Variants in FMN2 observed in about 807,000 individuals in gnomAD.
FMN2 encodes the protein formin 2, also known as formin-2.
A neutral mutation model predicts 142.3 loss-of-function variants in FMN2; 51 were observed. That is an observed-to-expected ratio of 0.36 (90% confidence interval 0.29 to 0.45). FMN2 has a LOEUF of 0.45. Ranked by LOEUF, FMN2 falls within the 20% of genes least tolerant of loss-of-function variation. FMN2 has a pLI of 1.00. For synonymous variants in FMN2, 882 were observed against 869.8 expected, an observed-to-expected ratio of 1.01 and a Z score of -0.25; for missense variants, 1,936 against 2,122.8, an observed-to-expected ratio of 0.91 and a Z score of 1.73.
chr1:240,225,324 C>G (rs184788633), intron 6 of FMN2, among the ~76,000 whole-genome samples: 4 of 152,144 alleles, frequency 2.6e-5, no homozygotes, highest in African/African-American at 9.7e-5. Context: ...CCAAGGCACC[C>G]CTCAGCCCCA....
intron 6 of FMN2, among the ~76,000 whole-genome samples, chr1:240,239,819 CAT>C (rs778597110): frequency 3.3e-5 from 5 of 152,330 alleles, no homozygotes; most frequent in African/African-American, 1.2e-4. Context: ...AGTCAATAAA[CAT>C]ATGCTCAGTG....
intron 7 of FMN2, among the ~76,000 whole-genome samples, chr1:240,271,171 CT>C (rs1158797574): frequency 8.1e-6 from 1 of 123,074 alleles, no homozygotes; most frequent in Non-Finnish European, 1.6e-5. Context: ...TTCTTTTATC[CT>C]GTTGGGGTTG....
At chr1:240,117,489 G>C (rs1170115870) in intron 1 of FMN2, among the ~76,000 whole-genome samples, 1 of 152,208 alleles carries the variant, frequency 6.6e-6, no homozygotes, top group Admixed American at 6.5e-5. Flanking sequence ...AAGCGTGGTG[G>C]AGGGAGAGAG....
intron 14 of FMN2, among the ~76,000 whole-genome samples, chr1:240,377,888 C>T (rs1572247040): frequency 6.6e-6 from 1 of 151,762 alleles, no homozygotes; most frequent in East Asian, 1.9e-4. Context: ...TATTATATTC[C>T]CATGTAATAT....
At chr1:240,430,691 C>T (rs1453478111) in intron 15 of FMN2, among the ~76,000 whole-genome samples, 1 of 149,862 alleles carries the variant, frequency 6.7e-6, no homozygotes, top group African/African-American at 2.5e-5. Flanking sequence ...AACAGATACC[C>T]CATTGTTCTA....
At chr1:240,106,754 G>T (rs1661625051) in intron 1 of FMN2, among the ~76,000 whole-genome samples, 1 of 150,538 alleles carries the variant, frequency 6.6e-6, no homozygotes, top group African/African-American at 2.4e-5. Flanking sequence ...GCGCGATCTT[G>T]CTCACTGCAA....
chr1:240,170,932 A>G, intron 2 of FMN2: 1 of 790,898 alleles, frequency 1.3e-6, no homozygotes, highest in South Asian at 1.3e-5. Flanking sequence ...GGAAGTGCTC[A>G]TTGAGCGGAC....
In FMN2 at chr1:240,101,601, C is replaced by T. The variant is rs568849934; in HGVS notation, c.1615+7877C>T. On this transcript the variant is annotated intron_variant, in intron 1 of 17. Transcript: ENST00000319653. ...CCAAGCGGGAGCGCAGTGGTGTGCT[C>T]ATGGCTCACTGCAGCCTCAAACTCC... Among the ~76,000 whole-genome samples, 13 of 152,002 alleles carry T rather than the reference C, an allele frequency of 8.6e-5. No individual in the cohort carries two copies. In the East Asian group the frequency reaches 1.7e-3, roughly 20 times the overall value.
intron 8 of FMN2, among the ~76,000 whole-genome samples, chr1:240,295,889 C>G (rs1182778990): frequency 1.3e-5 from 2 of 152,158 alleles, no homozygotes; most frequent in African/African-American, 4.8e-5. Flanking sequence ...GACAGTGTGC[C>G]AGGGTTCCCT....
At chr1:240,432,898 T>C (rs114112077) in intron 15 of FMN2, among the ~76,000 whole-genome samples, 5,023 of 152,208 alleles carry the variant, frequency 0.033, 260 homozygotes, top group African/African-American at 0.11. Flanking sequence ...TGACTCAGCA[T>C]ATGGTCTATG....
chr1:240,291,864 T>A (rs1268833250), intron 7 of FMN2, among the ~76,000 whole-genome samples: 2 of 152,224 alleles, frequency 1.3e-5, no homozygotes, highest in African/African-American at 4.8e-5. Context: ...TAGTTGAATT[T>A]ATGTGAAAAG....
rs78900665 is a variant in FMN2 at position 240,297,988 on chromosome 1, G to C, written c.4215+3105G>C. Among the ~76,000 whole-genome samples, 8 of 152,204 alleles carry C rather than the reference G, an allele frequency of 5.3e-5. No homozygotes were observed. The East Asian group carries it at 1.4e-3, about 26-fold the overall frequency. ...ACAAGGGCACTGATCTCATTCAAGA[G>C]GGCTCTGCTCTCATGGCCTAATTGC... On this transcript the variant is annotated intron_variant, in intron 8 of 17. Transcript: ENST00000319653.
chr1:240,103,939 C>T (rs942212976), intron 1 of FMN2, among the ~76,000 whole-genome samples: 1 of 151,516 alleles, frequency 6.6e-6, no homozygotes, highest in African/African-American at 2.4e-5. Flanking sequence ...TGCAGTGGTG[C>T]GATCTCGGCT....
chr1:240,284,952 T>G (rs1669535134), intron 7 of FMN2, among the ~76,000 whole-genome samples: 1 of 152,100 alleles, frequency 6.6e-6, no homozygotes, highest in African/African-American at 2.4e-5. Flanking sequence ...CTGGTCAACC[T>G]TTTCTTTCCT....
At chr1:240,386,606 G>A (rs1364943672) in intron 14 of FMN2, among the ~76,000 whole-genome samples, 2 of 152,184 alleles carry the variant, frequency 1.3e-5, no homozygotes, top group Non-Finnish European at 1.5e-5. Flanking sequence ...GCCAGACAGC[G>A]ACTACAGACA....
chr1:240,290,793 G>GTTTTTTTTTTT (rs761547443), intron 7 of FMN2, among the ~76,000 whole-genome samples: 1 of 84,738 alleles, frequency 1.2e-5, no homozygotes, highest in African/African-American at 4.8e-5. Context: ...TTTTTTTTTT[G>GTTTTTTTTTTT]TTTTTTTTTT....
At chr1:240,187,292 GAAAA>G (rs1458529585) in intron 3 of FMN2, among the ~76,000 whole-genome samples, 1 of 120,866 alleles carries the variant, frequency 8.3e-6, no homozygotes, top group Non-Finnish European at 1.8e-5. Context: ...AAAAAAAAAA[GAAAA>G]GAAAAAAACA....
At chr1:240,103,499 C>G (rs927604684) in intron 1 of FMN2, among the ~76,000 whole-genome samples, 2 of 152,214 alleles carry the variant, frequency 1.3e-5, no homozygotes, top group Non-Finnish European at 2.9e-5. Flanking sequence ...CACCCTCCTT[C>G]TGGGTTTCCC....
intron 8 of FMN2, among the ~76,000 whole-genome samples, chr1:240,320,405 G>A (rs1056091927): frequency 1.3e-5 from 2 of 152,126 alleles, no homozygotes; most frequent in Non-Finnish European, 2.9e-5. Context: ...ACAATGGCTC[G>A]TGTTTGTTCC....
Sources: gnomAD v4.1 joint callset for allele counts (sites outside exome capture counted in the v4.1 genomes callset) on GRCh38, gnomAD v4.1.1 for gene constraint, MANE v1.5 for transcripts, NCBI Gene and HGNC (gene_info 2026-07-23, HGNC 2026-07-21) for gene names.